WDR20: variants seen among roughly 807,000 people sequenced by gnomAD.
WDR20 encodes WD repeat domain 20.
A neutral mutation model predicts 38.7 loss-of-function variants in WDR20; 3 were observed. The ratio of observed to expected loss-of-function variants is 0.08; its 90% CI spans 0.04 to 0.20. The LOEUF (loss-of-function observed/expected upper bound fraction) is 0.20. WDR20 is among the 10% of genes least tolerant of loss of function. WDR20 has a pLI of 1.00. For synonymous variants in WDR20, 298 were observed against 285.6 expected (o/e 1.04, Z -0.44); for missense variants, 559 against 727.7 (o/e 0.77, Z 2.67).
chr14:102,172,714 A>C (rs1325576662), intron 1 of WDR20, among the ~76,000 whole-genome samples: 5 of 118,184 alleles, frequency 4.2e-5, no homozygotes, highest in South Asian at 2.7e-4. Flanking sequence ...GCGGGGGCTG[A>C]CCCCCACCTC....
At chr14:102,203,101 C>T (rs1244947332) in intron 2 of WDR20, among the ~76,000 whole-genome samples, 1 of 152,206 alleles carries the variant, frequency 6.6e-6, no homozygotes, top group Non-Finnish European at 1.5e-5. Context: ...CCCCACCCCA[C>T]CTTGCATTCT....
chr14:102,145,663 T>C (rs2053336841), intron 1 of WDR20, among the ~76,000 whole-genome samples: 1 of 152,026 alleles, frequency 6.6e-6, no homozygotes, highest in Non-Finnish European at 1.5e-5. Context: ...CCCACCTACT[T>C]GGAAGGCTGA....
intron 1 of WDR20, chr14:102,178,824 A>G (rs1661541047): frequency 6.6e-6 from 1 of 152,154 alleles, no homozygotes; most frequent in African/African-American, 2.4e-5. Flanking sequence ...ACACTGGGCT[A>G]GGCACTGAAC....
intron 1 of WDR20, among the ~76,000 whole-genome samples, chr14:102,172,665 G>A: frequency 6.9e-6 from 1 of 145,262 alleles, no homozygotes; most frequent in African/African-American, 2.6e-5. Flanking sequence ...GCAGGGGGCT[G>A]ACCCCCCCAC....
intron 2 of WDR20, among the ~76,000 whole-genome samples, chr14:102,202,382 T>G (rs1328083612): frequency 2.2e-5 from 3 of 137,440 alleles, no homozygotes; most frequent in Non-Finnish European, 3.2e-5. Context: ...GTTTTTTTTT[T>G]TTTTTTTTTT....
chr14:102,142,067 A>G (rs2051428480), intron 1 of WDR20, among the ~76,000 whole-genome samples: 1 of 152,182 alleles, frequency 6.6e-6, no homozygotes, highest in Admixed American at 6.5e-5. Flanking sequence ...CTATTCCCTG[A>G]AGGGTAAAAG....
chr14:102,197,348 G>C (rs1264378237), intron 2 of WDR20, among the ~76,000 whole-genome samples: 1 of 152,196 alleles, frequency 6.6e-6, no homozygotes, highest in African/African-American at 2.4e-5. Flanking sequence ...TCAGCACAGC[G>C]ATATGAACAA....
intron 1 of WDR20, among the ~76,000 whole-genome samples, chr14:102,145,623 A>G (rs1048233155): frequency 6.6e-6 from 1 of 152,112 alleles, no homozygotes; most frequent in Non-Finnish European, 1.5e-5. Context: ...TGTCTCTACA[A>G]GGGTGGGCGT....
intron 1 of WDR20, among the ~76,000 whole-genome samples, chr14:102,153,757 C>T (rs1383436281): frequency 1.3e-5 from 2 of 152,198 alleles, no homozygotes; most frequent in African/African-American, 4.8e-5. Context: ...GGAATGCTCA[C>T]CTCCCTTATT....
At position 102,220,151 on chromosome 14, in the gene WDR20, G is replaced by A. The variant is rs543396576; in HGVS notation, c.1693-2679G>A. ...CAGGCTCTGGCAGCCTGGTGGCTGCGCCACCTCTGCGTCTCAGCAGCCGCC... is the reference window on the plus strand; with the variant it reads ...CAGGCTCTGGCAGCCTGGTGGCTGCACCACCTCTGCGTCTCAGCAGCCGCC... On this transcript the variant is annotated intron_variant, in intron 3 of 3. Transcript: ENST00000335263. This position sits in a 1 kb window ranked among gnomAD's most constrained non-coding sequence, Gnocchi z 4.2. 3.0e-4 allele frequency among the ~76,000 whole-genome samples: 46 copies of A among 152,320 alleles called. No homozygotes were observed. The highest frequency in any genetic ancestry group is 1.0e-3 in the African/African-American group (43 of 41,570).
Position 102,210,434 on chromosome 14 carries a change from A to G in WDR20, c.*554A>G. The G allele has an allele frequency of 1.0e-6, 1 of 985,420 alleles. No individual in the cohort carries two copies. Among genetic ancestry groups the G allele is most frequent in the Non-Finnish European group, 1.2e-6 (1 of 829,898 alleles). The allele number at this position is 985,420 out of a possible 1,614,324, so 61.0% of individuals were successfully genotyped here. On this transcript the variant is annotated 3_prime_UTR_variant, in exon 3 of 3. Coordinates refer to ENST00000342702, the MANE Select transcript of WDR20 (RefSeq NM_144574.4). Reference sequence around the variant, plus strand: ...GATATTATTTTTACATTGTTCTGGCAATCCACAGAAAGAGAAGAGCCTTAA... The same window carrying G: ...GATATTATTTTTACATTGTTCTGGCGATCCACAGAAAGAGAAGAGCCTTAA...
At position 102,200,129 on chromosome 14, in the gene WDR20, G is replaced by GCATCTGTTC. The variant is rs1435841312; in HGVS notation, c.432+5010_432+5018dup. ...AGTCACACTGGAGGTCCTTGCTGGTGCATCTGTTCAAGACCCAAAGAAAGT... is the reference window on the plus strand; with the variant it reads ...AGTCACACTGGAGGTCCTTGCTGGTGCATCTGTTCCATCTGTTCAAGACCCAAAGAAAGT... On this transcript the variant is annotated intron_variant, in intron 2 of 2. Transcript: ENST00000342702. Among the ~76,000 whole-genome samples the GCATCTGTTC allele has an allele frequency of 3.9e-5, 6 of 152,352 alleles. No individual in the cohort carries two copies. In the South Asian group the frequency reaches 1.2e-3, roughly 32 times the overall value.
At chr14:102,147,228 C>T (rs998710790) in intron 1 of WDR20, among the ~76,000 whole-genome samples, 1 of 152,286 alleles carries the variant, frequency 6.6e-6, no homozygotes, top group African/African-American at 2.4e-5. Flanking sequence ...AACCACATCT[C>T]TACTAAAAAT....
chr14:102,197,806 G>C, intron 2 of WDR20: 1 of 702,886 alleles, frequency 1.4e-6, no homozygotes, highest in East Asian at 2.7e-5. Flanking sequence ...AAGACAGAAT[G>C]AAGGTAGCAA....
chr14:102,214,621 A>G (rs1394703063), downstream of WDR20: 4 of 985,172 alleles, frequency 4.1e-6, no homozygotes, highest in Non-Finnish European at 4.8e-6. Flanking sequence ...TGAGTTTATT[A>G]GAGATTGTTA....
At chr14:102,215,587 CA>C (rs1429575557), downstream of WDR20, among the ~76,000 whole-genome samples, 1 of 152,166 alleles carries the variant, frequency 6.6e-6, no homozygotes, top group East Asian at 1.9e-4. Flanking sequence ...GCCCCGCATG[CA>C]TTAGGTATTT....
At chr14:102,160,073 C>T (rs921448218) in intron 1 of WDR20, among the ~76,000 whole-genome samples, 3 of 152,156 alleles carry the variant, frequency 2.0e-5, no homozygotes, top group African/African-American at 7.2e-5. Context: ...CACTGCACTC[C>T]ACCCTGAGTA....
chr14:102,200,465 TTTTGTGTGTGTGTGTG>T (rs1288778957), intron 2 of WDR20, among the ~76,000 whole-genome samples: 1,862 of 98,686 alleles, frequency 0.019, 36 homozygotes, highest in South Asian at 0.099. Flanking sequence ...AAATTTTTTT[TTTTGTGTGTGTGTGTG>T]TGTGTGTGTG....
chr14:102,148,648 C>T (rs989612257), intron 1 of WDR20, among the ~76,000 whole-genome samples: 1 of 149,340 alleles, frequency 6.7e-6, no homozygotes, highest in Non-Finnish European at 1.5e-5. Flanking sequence ...TTTAACACTC[C>T]TGTCTTTAAA....
Sources: allele counts gnomAD v4.1 joint callset (sites outside exome capture counted in the v4.1 genomes callset), GRCh38; gene constraint gnomAD v4.1.1; non-coding constraint Gnocchi (gnomAD v3.1); transcripts MANE v1.5; gene names NCBI Gene and HGNC (gene_info 2026-07-23, HGNC 2026-07-21).